The following NSUN4 variants were observed in gnomAD, a reference collection of about 807,000 sequenced individuals.
The protein encoded by NSUN4 is NOP2/Sun RNA methyltransferase 4, also known as 5-cytosine rRNA methyltransferase NSUN4.
Under a neutral mutation model 43.8 loss-of-function variants are expected in NSUN4, and 31 were observed. The ratio of observed to expected loss-of-function variants is 0.71; its 90% CI spans 0.53 to 0.96. The LOEUF (loss-of-function observed/expected upper bound fraction) is 0.96, where lower values mean the gene tolerates loss of function less well. Ranked by LOEUF, NSUN4 falls within the 40% of genes least tolerant of loss-of-function variation. The probability of loss-of-function intolerance (pLI) is 0.00; values close to 1 mark genes in which losing one functional copy is unlikely to be tolerated. For synonymous variants in NSUN4, 167 were observed against 184.1 expected (o/e 0.91, Z 0.75); for missense variants, 439 against 475.6 (o/e 0.92, Z 0.72).
intron 1 of NSUN4, among the ~76,000 whole-genome samples, chr1:46,344,445 T>TAA (rs1044775529): frequency 2.0e-5 from 3 of 152,230 alleles, no homozygotes; most frequent in African/African-American, 7.2e-5. Context: ...CTTTTGCTTT[T>TAA]AAGTTCAAAG....
the NSUN4 span, among the ~76,000 whole-genome samples, chr1:46,376,581 A>T: frequency 2.0e-5 from 3 of 152,214 alleles, no homozygotes; most frequent in Admixed American, 1.3e-4. Flanking sequence ...CTAAAAAAAA[A>T]TTAAAGGAAC....
the NSUN4 span, among the ~76,000 whole-genome samples, chr1:46,372,482 A>G: frequency 6.6e-6 from 1 of 151,908 alleles, no homozygotes; most frequent in South Asian, 2.1e-4. Flanking sequence ...AGTCTTCCAA[A>G]TCTTTCCACT....
At chr1:46,383,312 T>C in the NSUN4 span, among the ~76,000 whole-genome samples, 2 of 144,334 alleles carry the variant, frequency 1.4e-5, no homozygotes, top group East Asian at 3.9e-4. Flanking sequence ...GGAAGCCCCA[T>C]GCTGGGGAGA....
chr1:46,381,389 C>T, the NSUN4 span, among the ~76,000 whole-genome samples: 3 of 152,212 alleles, frequency 2.0e-5, no homozygotes, highest in African/African-American at 7.2e-5. Flanking sequence ...TGGCCACTCA[C>T]TGTGACTTGA....
rs1469582491 is a variant in NSUN4, at chr1:46,358,548, C to T, written c.754-2156C>T. 5.9e-5 allele frequency among the ~76,000 whole-genome samples: 9 copies of T among 151,650 alleles called. 2 individuals carry two copies. The highest frequency in any genetic ancestry group is 1.9e-4 in the East Asian group (1 of 5,132). ...TCCCGAGTAGCTGGGACTACAGGTG[C>T]GTGCCACCACACCCAGCTAATTTTT... On this transcript the variant is annotated intron_variant, in intron 4 of 5. Coordinates refer to ENST00000474844, the MANE Select transcript of NSUN4 (RefSeq NM_199044.4).
intron 2 of NSUN4, 26 bp from the exon 3 acceptor site, chr1:46,346,895 C>A (rs755249580): frequency 6.2e-7 from 1 of 1,602,246 alleles, no homozygotes; most frequent in South Asian, 1.1e-5. Context: ...TGGAATTTAA[C>A]AATAAAGTGG....
At chr1:46,346,332 C>T (rs1569739056) in intron 2 of NSUN4, among the ~76,000 whole-genome samples, 2 of 151,596 alleles carry the variant, frequency 1.3e-5, no homozygotes, top group African/African-American at 4.8e-5. Context: ...GGCAGATCAT[C>T]TGAGGTTAGG....
intron 3 of NSUN4, among the ~76,000 whole-genome samples, chr1:46,351,318 C>T (rs906063252): frequency 1.3e-5 from 2 of 152,078 alleles, no homozygotes; most frequent in South Asian, 2.1e-4. Flanking sequence ...AAGCCGAGAT[C>T]GCGCCATTGC....
chr1:46,353,756 C>T (rs1295333093), intron 4 of NSUN4, among the ~76,000 whole-genome samples: 3 of 151,888 alleles, frequency 2.0e-5, no homozygotes, highest in African/African-American at 4.8e-5. Flanking sequence ...GGATTACAGG[C>T]GTGAGCCACT....
Position 46,342,625 on chromosome 1 carries a change from G to C in NSUN4, c.93+1706G>C, listed in dbSNP as rs1395597623. ...CCCCCCTGTTCCCAGGAACCATCTC[G>C]TCCCCATGGTCCTCATTCTGTCCTT... On this transcript the variant is annotated intron_variant, in intron 1 of 5. Coordinates refer to ENST00000474844, the MANE Select transcript of NSUN4 (RefSeq NM_199044.4). 1.3e-5 allele frequency: 5 copies of C among 398,988 alleles called. No homozygotes were observed. The East Asian group carries it at 1.8e-4, about 14-fold the overall frequency. The allele number at this position is 398,988 out of a possible 1,614,324, so 24.7% of individuals were successfully genotyped here.
At chr1:46,378,542 C>T in the NSUN4 span, among the ~76,000 whole-genome samples, 2 of 152,176 alleles carry the variant, frequency 1.3e-5, no homozygotes, top group Non-Finnish European at 2.9e-5. Flanking sequence ...CACAGTTGGG[C>T]CCTCCACTGA....
At chr1:46,342,088 T>G in intron 1 of NSUN4, 1 of 562,700 alleles carries the variant, frequency 1.8e-6, no homozygotes, top group Non-Finnish European at 2.7e-6. Flanking sequence ...TCACCTCCTC[T>G]TGCTCGCCGG....
chr1:46,345,770 A>G lies in NSUN4; in HGVS notation c.437+626A>G, dbSNP rs181091241. Among the ~76,000 whole-genome samples, 63 of 152,372 alleles carry G rather than the reference A, an allele frequency of 4.1e-4. 1 individual carries two copies. In the South Asian group the frequency reaches 6.0e-3, roughly 15 times the overall value. ...GAATGAGAAAAGACTGCAGAATCAA[A>G]TGCTGAATTATGCTTTAACAATTAA... On this transcript the variant is annotated intron_variant, in intron 2 of 5. Coordinates refer to ENST00000474844, the MANE Select transcript of NSUN4 (RefSeq NM_199044.4).
chr1:46,344,777 A>G (rs144227813), intron 1 of NSUN4, 24 bp from the exon 2 acceptor site: 6 of 1,598,038 alleles, frequency 3.8e-6, no homozygotes, highest in African/African-American at 1.3e-5. Flanking sequence ...GGGAAAACCA[A>G]TAAGCCTGTC....
chr1:46,356,573 T>C (rs1215375554), intron 4 of NSUN4, among the ~76,000 whole-genome samples: 1 of 151,880 alleles, frequency 6.6e-6, no homozygotes, highest in Non-Finnish European at 1.5e-5. Flanking sequence ...GCGCCTGGAA[T>C]CCCAGCTACT....
intron 5 of NSUN4, 113 bp downstream of exon 5, chr1:46,360,941 T>A (rs1663825259): frequency 3.4e-5 from 42 of 1,233,024 alleles, no homozygotes; most frequent in Non-Finnish European, 4.5e-5. Context: ...TGGCTGGAGA[T>A]CTGCCTAGAG....
chr1:46,341,120 C>G, intron 1 of NSUN4: 3 of 1,267,136 alleles, frequency 2.4e-6, no homozygotes, highest in Non-Finnish European at 3.1e-6. Flanking sequence ...CCACTTGTTA[C>G]GTCTGCAGTC....
At chr1:46,350,233 A>G (rs1021699816) in intron 3 of NSUN4, among the ~76,000 whole-genome samples, 8 of 152,204 alleles carry the variant, frequency 5.3e-5, no homozygotes, top group Admixed American at 3.3e-4. Context: ...GAGTGCCCTC[A>G]AAAATGGAGA....
chr1:46,356,540 A>C (rs905876757), intron 4 of NSUN4, among the ~76,000 whole-genome samples: 1 of 152,146 alleles, frequency 6.6e-6, no homozygotes, highest in Non-Finnish European at 1.5e-5. Context: ...AAAATACAAA[A>C]AATTAGCCGG....
Sources: allele counts gnomAD v4.1 joint callset (sites outside exome capture counted in the v4.1 genomes callset), GRCh38; gene constraint gnomAD v4.1.1; transcripts MANE v1.5; gene names NCBI Gene and HGNC (gene_info 2026-07-23, HGNC 2026-07-21).